The following QDPR variants were observed in gnomAD, a reference collection of about 807,000 sequenced individuals.
The protein encoded by QDPR is dihydropteridine reductase.
In QDPR, 23 loss-of-function variants were observed where a neutral mutation model predicts 31.7. The observed-to-expected ratio is 0.73, with a 90% CI of 0.52 to 1.03. The LOEUF (loss-of-function observed/expected upper bound fraction) is 1.03, where lower values mean the gene tolerates loss of function less well. Ranked by LOEUF, QDPR falls within the 50% of genes least tolerant of loss-of-function variation. QDPR has a pLI of 0.00. For missense variants in QDPR, 324 were observed against 323.8 expected (o/e 1.00, Z 0.00); for synonymous variants, 124 against 124.7 (o/e 0.99, Z 0.03).
Position 17,512,034 on chromosome 4 carries a change from T to G in QDPR, c.21A>C (p.Ala7=). The G allele has an allele frequency of 6.2e-7, 1 of 1,603,558 alleles. No individual in the cohort carries two copies. The highest frequency in any genetic ancestry group is 8.5e-7 in the Non-Finnish European group (1 of 1,176,284). The change falls in exon 1 of 7, where the codon GCA becomes GCC. Residue 7 remains alanine, a synonymous_variant. Coordinates refer to ENST00000281243, the MANE Select transcript of QDPR (RefSeq NM_000320.3). MAAAAA[A]GEARRVLVYG... ...ACACCAGCACCCGGCGCGCCTCGCC[T>G]GCAGCCGCCGCCGCCGCCATCCTGC...
chr4:17,486,940 C>T lies in QDPR; in HGVS notation c.*191G>A. The T allele has an allele frequency of 1.6e-6, 1 of 617,796 alleles. No individual in the cohort carries two copies. The highest frequency in any genetic ancestry group is 2.8e-5 in the East Asian group (1 of 35,112). The allele number at this position is 617,796 out of a possible 1,614,324, so 38.3% of individuals were successfully genotyped here. On this transcript the variant is annotated 3_prime_UTR_variant, in exon 7 of 7. Coordinates refer to ENST00000281243, the MANE Select transcript of QDPR (RefSeq NM_000320.3). ...GATGCTATTTGCAGGCCACCAGTCT[C>T]GCATGTCTTTACTTCACATAAATGT...
At chr4:17,504,506 C>T in intron 2 of QDPR, 31 bp from the exon 3 acceptor site, 1 of 1,560,384 alleles carries the variant, frequency 6.4e-7, no homozygotes, top group South Asian at 1.1e-5. Flanking sequence ...AATGTATAAA[C>T]TGTAAGGTAA....
intron 1 of QDPR, among the ~76,000 whole-genome samples, chr4:17,510,304 G>C (rs1718960569): frequency 6.6e-6 from 1 of 152,162 alleles, no homozygotes; most frequent in Non-Finnish European, 1.5e-5. Context: ...ATGCCGGGCA[G>C]AGGTTCCCAA....
intron 2 of QDPR, among the ~76,000 whole-genome samples, chr4:17,505,308 G>T (rs1202500019): frequency 6.8e-6 from 1 of 146,204 alleles, no homozygotes; most frequent in Non-Finnish European, 1.5e-5. Context: ...GTGCGATGGC[G>T]CCATCTCGGC....
chr4:17,492,082 GATA>G (rs1417091728), intron 5 of QDPR, 147 bp downstream of exon 5: 2 of 625,532 alleles, frequency 3.2e-6, no homozygotes, highest in Non-Finnish European at 5.7e-6. Flanking sequence ...AACAGATTAA[GATA>G]ATAAGTATCT....
At chr4:17,506,501 G>C (rs1718792356) in intron 2 of QDPR, among the ~76,000 whole-genome samples, 1 of 152,198 alleles carries the variant, frequency 6.6e-6, no homozygotes, top group Non-Finnish European at 1.5e-5. Flanking sequence ...GCAGTTAAGA[G>C]AACAGCCGTC....
At chr4:17,500,564 G>A (rs1718524498) in intron 4 of QDPR, among the ~76,000 whole-genome samples, 1 of 152,086 alleles carries the variant, frequency 6.6e-6, no homozygotes, top group Admixed American at 6.5e-5. Context: ...ACACACAGAG[G>A]GAAGACCACA....
intron 5 of QDPR, among the ~76,000 whole-genome samples, chr4:17,491,705 A>T (rs1226730902): frequency 6.6e-6 from 1 of 152,256 alleles, no homozygotes; most frequent in East Asian, 1.9e-4. Context: ...CAGCCAATCA[A>T]ACATTCTGGA....
intron 1 of QDPR, among the ~76,000 whole-genome samples, chr4:17,509,645 T>G (rs940715937): frequency 1.3e-5 from 2 of 152,146 alleles, no homozygotes; most frequent in African/African-American, 4.8e-5. Flanking sequence ...GAGGATCACT[T>G]GAGCTCAGTG....
At chr4:17,496,017 A>T (rs1239725722) in intron 4 of QDPR, among the ~76,000 whole-genome samples, 1 of 148,590 alleles carries the variant, frequency 6.7e-6, no homozygotes, top group Non-Finnish European at 1.5e-5. Context: ...TCTCCAAAAA[A>T]AAGGAAAATA....
intron 4 of QDPR, among the ~76,000 whole-genome samples, chr4:17,493,554 C>T (rs567031316): frequency 1.3e-5 from 2 of 152,134 alleles, no homozygotes; most frequent in Admixed American, 1.3e-4. Flanking sequence ...TAGAATGGCT[C>T]GAAGAACTCA....
At chr4:17,509,399 G>C in intron 1 of QDPR, 36 bp from the exon 2 acceptor site, 1 of 1,563,122 alleles carries the variant, frequency 6.4e-7, no homozygotes, top group Non-Finnish European at 8.8e-7. Flanking sequence ...AAGAGGCAGT[G>C]AGTTGTTATT....
intron 3 of QDPR, among the ~76,000 whole-genome samples, chr4:17,504,177 G>A (rs896282167): frequency 1.3e-5 from 2 of 151,984 alleles, no homozygotes; most frequent in Admixed American, 1.3e-4. Context: ...AATGCCCCCC[G>A]TCCCCTCACG....
chr4:17,509,000 T>C (rs1014707434), intron 2 of QDPR, among the ~76,000 whole-genome samples: 6 of 151,622 alleles, frequency 4.0e-5, no homozygotes, highest in Non-Finnish European at 7.4e-5. Context: ...CTACTGAAAA[T>C]ACAAAAAATT....
In QDPR at chr4:17,492,242, C is replaced by T. The variant is rs761644688; in HGVS notation, c.535G>A (p.Ala179Thr). The change falls in exon 5 of 7, where the codon GCT becomes ACT. Residue 179 changes from alanine to threonine, a missense_variant. Physicochemically the swap from Ala to Thr is moderately conservative, Grantham distance 58. Coordinates refer to ENST00000281243, the MANE Select transcript of QDPR (RefSeq NM_000320.3). ...ACCCCAAGCACTTACGGGAGCACAG[C>T]GATGGCGGCTGCCCCGGGCGGCATG... ...SGMPPGAAAI[A>T]VLPVTLDTPM... 5.0e-6 allele frequency: 8 copies of T among 1,613,704 alleles called. No individual in the cohort carries two copies. Among genetic ancestry groups the T allele is most frequent in the Middle Eastern group, 1.7e-4 (1 of 6,004 alleles).
chr4:17,500,407 C>T (rs780669683), intron 4 of QDPR, among the ~76,000 whole-genome samples: 1 of 152,176 alleles, frequency 6.6e-6, no homozygotes, highest in Non-Finnish European at 1.5e-5. Context: ...CCCCAACATT[C>T]GTATATTGAA....
intron 3 of QDPR, among the ~76,000 whole-genome samples, chr4:17,504,056 C>T (rs528668951): frequency 6.6e-6 from 1 of 152,228 alleles, no homozygotes; most frequent in South Asian, 2.1e-4. Flanking sequence ...CTTCTTCTGA[C>T]TTTCTAAATG....
chr4:17,502,216 G>A (rs3796809), intron 3 of QDPR, among the ~76,000 whole-genome samples: 33,248 of 152,080 alleles, frequency 0.22, 4,293 homozygotes, highest in Non-Finnish European at 0.29. Flanking sequence ...TCTACGTCAG[G>A]TTTTCTCTGT....
At chr4:17,507,992 G>C (rs1378795698) in intron 2 of QDPR, among the ~76,000 whole-genome samples, 1 of 152,194 alleles carries the variant, frequency 6.6e-6, no homozygotes, top group African/African-American at 2.4e-5. Flanking sequence ...GGAGAAAAGG[G>C]ACAGTTTCAC....
Sources: allele counts gnomAD v4.1 joint callset (sites outside exome capture counted in the v4.1 genomes callset), GRCh38; gene constraint gnomAD v4.1.1; transcripts MANE v1.5; gene names NCBI Gene and HGNC (gene_info 2026-07-23, HGNC 2026-07-21).